The following GOT1 variants were observed in gnomAD, a reference collection of about 807,000 sequenced individuals.
GOT1 encodes glutamic-oxaloacetic transaminase 1.
GOT1 carries 25 observed loss-of-function variants against 48.2 expected under a neutral mutation model. That is an observed-to-expected ratio of 0.52 (90% CI 0.38 to 0.72). The LOEUF (loss-of-function observed/expected upper bound fraction) is 0.72. GOT1 is among the 30% of genes least tolerant of loss of function. The probability of loss-of-function intolerance (pLI) is 0.00; values close to 1 mark genes in which losing one functional copy is unlikely to be tolerated. For missense variants in GOT1, 380 were observed against 520.1 expected (o/e 0.73, Z 2.62); for synonymous variants, 188 against 193.8 (o/e 0.97, Z 0.25).
intron 8 of GOT1, among the ~76,000 whole-genome samples, chr10:99,402,294 T>C (rs2032690428): frequency 6.6e-6 from 1 of 152,218 alleles, no homozygotes; most frequent in African/African-American, 2.4e-5. Context: ...GGCTCCCAGC[T>C]ACCAATCCTG....
intron 3 of GOT1, 27 bp downstream of exon 3, chr10:99,406,699 T>C (rs1347596935): frequency 6.2e-7 from 1 of 1,607,678 alleles, no homozygotes; most frequent in South Asian, 1.1e-5. Flanking sequence ...TTTCTGTTTT[T>C]CCTCTCACTT....
chr10:99,414,982 G>T (rs1180775823), intron 2 of GOT1, among the ~76,000 whole-genome samples: 2 of 151,488 alleles, frequency 1.3e-5, no homozygotes, highest in African/African-American at 4.9e-5. Context: ...GCCCACAAGA[G>T]AAAGCAGGAA....
chr10:99,401,390 C>T (rs376696854), intron 8 of GOT1, among the ~76,000 whole-genome samples: 19 of 152,312 alleles, frequency 1.2e-4, no homozygotes, highest in African/African-American at 4.6e-4. Context: ...CCACTTCACA[C>T]TGGCACTGTG....
chr10:99,403,390 G>A lies in GOT1; in HGVS notation c.959+79C>T, dbSNP rs566829750. On this transcript the variant is annotated intron_variant, in intron 7 of 8. Transcript: ENST00000370508. Reference sequence around the variant, plus strand: ...CCTGCTTCTGCCAAAATGAAAGGAAGAGACCCAGTTAAATGTACTGGGACA... The same window carrying A: ...CCTGCTTCTGCCAAAATGAAAGGAAAAGACCCAGTTAAATGTACTGGGACA... 91 of 1,141,388 alleles carry A rather than the reference G, an allele frequency of 8.0e-5. No homozygotes were observed. The African/African-American group carries it at 1.3e-3, about 16-fold the overall frequency. The allele number at this position is 1,141,388 out of a possible 1,614,324, so 70.7% of individuals were successfully genotyped here.
At chr10:99,407,777 G>A in intron 2 of GOT1, among the ~76,000 whole-genome samples, 1 of 113,192 alleles carries the variant, frequency 8.8e-6, no homozygotes, top group Admixed American at 1.1e-4. Flanking sequence ...AATAATAAAA[G>A]CCATATTTTA....
At position 99,397,357 on chromosome 10, in the gene GOT1, C is replaced by T; in HGVS notation, c.*190G>A. On this transcript the variant is annotated 3_prime_UTR_variant, in exon 9 of 9. Transcript: ENST00000370508. The surrounding 1 kb of genome is among the most constrained non-coding windows in gnomAD (Gnocchi z 5.4). ...GCTTTGACCTCCAAAGGCTCTAATC[C>T]CAGTCTCCAAATTCGTCTCAAGGGA... 1 of 636,822 alleles carries T rather than the reference C, an allele frequency of 1.6e-6. No individual in the cohort carries two copies. The highest frequency in any genetic ancestry group is 2.8e-6 in the Non-Finnish European group (1 of 352,002). The allele number at this position is 636,822 out of a possible 1,614,324, so 39.4% of individuals were successfully genotyped here.
intron 3 of GOT1, 123 bp downstream of exon 3, chr10:99,406,603 C>T: frequency 1.1e-6 from 1 of 937,316 alleles, no homozygotes; most frequent in South Asian, 1.5e-5. Context: ...ACCCACTGTT[C>T]AAGCCATTCC....
At chr10:99,416,175 T>C (rs952080611) in intron 2 of GOT1, among the ~76,000 whole-genome samples, 4 of 152,214 alleles carry the variant, frequency 2.6e-5, no homozygotes, top group Admixed American at 1.3e-4. Flanking sequence ...GATGACATGA[T>C]TGTGTATCTA....
In GOT1 at chr10:99,411,391, G is replaced by A. The variant is rs1409909356; in HGVS notation, c.301-4542C>T. 2.0e-5 allele frequency among the ~76,000 whole-genome samples: 3 copies of A among 152,200 alleles called. 1 individual carries two copies. Among genetic ancestry groups the A allele is most frequent in the South Asian group, 4.1e-4 (2 of 4,828 alleles). ...TCTAGAAAATAGGTCTCCTCAAAAT[G>A]GGTAAAGGATCTGGAAATGTTGAAT... On this transcript the variant is annotated intron_variant, in intron 2 of 8. Coordinates refer to ENST00000370508, the MANE Select transcript of GOT1 (RefSeq NM_002079.3).
At chr10:99,421,511 G>T (rs2032966492) in intron 1 of GOT1, among the ~76,000 whole-genome samples, 1 of 152,100 alleles carries the variant, frequency 6.6e-6, no homozygotes, top group Non-Finnish European at 1.5e-5. Flanking sequence ...CCCTTTCATT[G>T]ATCTAAATTG....
Position 99,403,571 on chromosome 10 carries a change from G to C in GOT1, c.857C>G (p.Ser286Cys). Reference protein sequence around the residue: ...KEPESILQVLSQMEKIVRITW... With the variant: ...KEPESILQVLCQMEKIVRITW... ...AATCCGCACGATCTTCTCCATCTGG[G>C]AAAGGACTTGCAGGATGCTCTCAGG... Residue 286 changes from serine to cysteine, a missense_variant, in exon 7 of 9, where the codon TCC becomes TGC. By Grantham distance (112) the Ser-to-Cys change is moderately radical (BLOSUM62 -1). Coordinates refer to ENST00000370508, the MANE Select transcript of GOT1 (RefSeq NM_002079.3). 6.2e-7 allele frequency: 1 copy of C among 1,614,104 alleles called. No homozygotes were observed. The highest frequency in any genetic ancestry group is 8.5e-7 in the Non-Finnish European group (1 of 1,179,968).
chr10:99,408,860 G>T lies in GOT1; in HGVS notation c.301-2011C>A, dbSNP rs534649752. Among the ~76,000 whole-genome samples, 6 of 152,218 alleles carry T rather than the reference G, an allele frequency of 3.9e-5. No individual in the cohort carries two copies. The South Asian group carries it at 1.2e-3, about 32-fold the overall frequency. On this transcript the variant is annotated intron_variant, in intron 2 of 8. Transcript: ENST00000370508. ...CTATAAGTCGTTTTTTTAAAAATAA[G>T]ATGAATGTATTCATGTATTAGTCAT...
At chr10:99,418,794 C>T (rs111897991) in intron 2 of GOT1, among the ~76,000 whole-genome samples, 1,924 of 152,198 alleles carry the variant, frequency 0.013, 16 homozygotes, top group Middle Eastern at 0.037. Context: ...TGCATCACCA[C>T]GCCTGGCCAG....
chr10:99,397,376 C>T lies in GOT1; in HGVS notation c.*171G>A. 1.5e-6 allele frequency: 1 copy of T among 685,118 alleles called. No homozygotes were observed. The highest frequency in any genetic ancestry group is 2.6e-6 in the Non-Finnish European group (1 of 386,444). 42.4% of individuals were successfully genotyped at this position (685,118 alleles called of 1,614,324 possible). A position where few individuals can be genotyped will look rare whatever the true frequency, so the allele number is the denominator to read the frequency against. On this transcript the variant is annotated 3_prime_UTR_variant, in exon 9 of 9. Transcript: ENST00000370508. This position sits in a 1 kb window ranked among gnomAD's most constrained non-coding sequence, Gnocchi z 5.4. The stretch of plus-strand genomic sequence containing the variant: ...CTAATCCCAGTCTCCAAATTCGTCT[C>T]AAGGGATGTTCTCTTCATGTGGGGC...
intron 3 of GOT1, 77 bp downstream of exon 3, chr10:99,406,647 TTC>T (rs1270930517): frequency 2.1e-6 from 3 of 1,426,134 alleles, no homozygotes; most frequent in Non-Finnish European, 2.9e-6. Context: ...GGATTACATT[TTC>T]TGTGTAACCA....
At chr10:99,422,162 T>A (rs551059385) in intron 1 of GOT1, among the ~76,000 whole-genome samples, 5 of 152,174 alleles carry the variant, frequency 3.3e-5, no homozygotes, top group African/African-American at 1.2e-4. Flanking sequence ...GAGTTCTCAC[T>A]ACATCTGGTT....
chr10:99,416,497 C>A (rs1357840440), intron 2 of GOT1, among the ~76,000 whole-genome samples: 1 of 152,174 alleles, frequency 6.6e-6, no homozygotes, highest in Non-Finnish European at 1.5e-5. Flanking sequence ...GAATCAATAT[C>A]ATGAAAATGG....
At chr10:99,398,555 A>C (rs2032628731) in intron 8 of GOT1, among the ~76,000 whole-genome samples, 1 of 152,122 alleles carries the variant, frequency 6.6e-6, no homozygotes, top group Admixed American at 6.5e-5. Context: ...CTATGGTCCC[A>C]GCTACTCAGG....
intron 8 of GOT1, 60 bp downstream of exon 8, chr10:99,402,520 T>C (rs1463878803): frequency 7.6e-6 from 12 of 1,578,484 alleles, no homozygotes; most frequent in Non-Finnish European, 1.0e-5. Flanking sequence ...GGCGAGCGAC[T>C]GAAAGGAATG....
Sources: gnomAD v4.1 joint callset for allele counts (sites outside exome capture counted in the v4.1 genomes callset) on GRCh38, gnomAD v4.1.1 for gene constraint, Gnocchi (gnomAD v3.1) non-coding constraint, MANE v1.5 for transcripts, NCBI Gene and HGNC (gene_info 2026-07-23, HGNC 2026-07-21) for gene names.